The following DMD variants were observed in gnomAD, a reference collection of about 807,000 sequenced individuals.
DMD encodes the protein dystrophin, also known as mutant dystrophin.
In DMD, 63 loss-of-function variants were observed where a neutral mutation model predicts 330.1. The ratio of observed to expected loss-of-function variants is 0.19; its 90% confidence interval spans 0.16 to 0.24. The LOEUF (loss-of-function observed/expected upper bound fraction) is 0.24. DMD is among the 10% of genes least tolerant of loss of function. The pLI, the probability that DMD is intolerant of heterozygous loss-of-function variation, is 1.00. For synonymous variants in DMD, 1,223 were observed against 959.8 expected, an observed-to-expected ratio of 1.27 and a Z score of -5.07; for missense variants, 3,344 against 2,684.1, an observed-to-expected ratio of 1.25 and a Z score of -5.43.
chrX:32,719,987 T>C (rs111516575), intron 7 of DMD, among the ~76,000 whole-genome samples: 7,047 of 106,094 alleles, frequency 0.066, 651 homozygotes, highest in African/African-American at 0.24. Flanking sequence ...TATATATATA[T>C]ACACACACAC....
chrX:33,010,773 T>G (rs1310320730), intron 2 of DMD, among the ~76,000 whole-genome samples: 2 of 110,641 alleles, frequency 1.8e-5, no homozygotes, highest in African/African-American at 6.6e-5. Flanking sequence ...TTCAATAAAT[T>G]CCTCAGTGGG....
At chrX:32,511,644 G>T (rs149710043) in intron 18 of DMD, among the ~76,000 whole-genome samples, 1,908 of 108,785 alleles carry the variant, frequency 0.018, 36 homozygotes, top group African/African-American at 0.06. Context: ...AAATTGCCAT[G>T]TTCATAAAAA....
At chrX:32,593,326 T>A (rs1057342306) in intron 13 of DMD, among the ~76,000 whole-genome samples, 38 of 112,347 alleles carry the variant, frequency 3.4e-4, no homozygotes, top group African/African-American at 1.1e-3. Flanking sequence ...TAAGTCAGAG[T>A]AATTTCCTGT....
chrX:31,266,662 G>T (rs986199336), intron 62 of DMD: 4 of 588,715 alleles, frequency 6.8e-6, no homozygotes, highest in Non-Finnish European at 1.1e-5. Context: ...GAACCCGCGG[G>T]AGAGGTTCCT....
At chrX:32,644,665 G>A (rs2059673753) in intron 10 of DMD, among the ~76,000 whole-genome samples, 2 of 110,584 alleles carry the variant, frequency 1.8e-5, no homozygotes, top group Middle Eastern at 9.4e-3. Context: ...GTCTCCCACT[G>A]AGAGAAGTTA....
intron 1 of DMD, among the ~76,000 whole-genome samples, chrX:33,048,410 C>T (rs1209608734): frequency 1.8e-5 from 2 of 110,888 alleles, no homozygotes; most frequent in Non-Finnish European, 3.8e-5. Context: ...AAAAATTCGA[C>T]TGGGAGCGGT....
intron 64 of DMD, among the ~76,000 whole-genome samples, chrX:31,220,258 C>T (rs149108942): frequency 0.041 from 4,560 of 111,403 alleles, 77 homozygotes; most frequent in Middle Eastern, 0.06. Context: ...TAGCTACCAC[C>T]CCACTCTTCT....
intron 6 of DMD, among the ~76,000 whole-genome samples, chrX:32,810,618 G>A (rs1163082200): frequency 8.9e-6 from 1 of 111,846 alleles, no homozygotes; most frequent in Non-Finnish European, 1.9e-5. Context: ...GACTGCTTCT[G>A]ACTATCCTCA....
At chrX:32,907,485 G>C (rs1457605816) in intron 2 of DMD, among the ~76,000 whole-genome samples, 1 of 111,714 alleles carries the variant, frequency 9.0e-6, no homozygotes, top group Non-Finnish European at 1.9e-5. Flanking sequence ...GAGGAAATAA[G>C]AAATTCAAGC....
Position 32,015,654 on chromosome X carries a change from T to C in DMD, c.6439-47140A>G, listed in dbSNP as rs1018090729. 2.7e-5 allele frequency among the ~76,000 whole-genome samples: 3 copies of C among 111,859 alleles called. No homozygotes were observed. The East Asian group carries it at 8.4e-4, about 31-fold the overall frequency. On this transcript the variant is annotated intron_variant, in intron 44 of 78. Transcript: ENST00000357033. ...AATAATCTACTGGCTTTCAAGACAT[T>C]TTCACCACTAAACACCTTATCATAG... is the stretch of plus-strand genomic sequence containing the variant.
chrX:31,371,380 C>A (rs2059562790), intron 60 of DMD, among the ~76,000 whole-genome samples: 1 of 111,160 alleles, frequency 9.0e-6, no homozygotes, highest in African/African-American at 3.3e-5. Flanking sequence ...AAGCAATATA[C>A]CAATAGTTTT....
Position 32,454,347 on chromosome X carries a change from A to G in DMD, c.3603+315T>C, listed in dbSNP as rs1397164178. On this transcript the variant is annotated intron_variant, in intron 26 of 78. Transcript: ENST00000357033. ...ATACTTTTGCACAGTTTCAACGTAC[A>G]TTTACATCAGCTACAGACAGTTAAT... Among the ~76,000 whole-genome samples, 6 of 111,237 alleles carry G rather than the reference A, an allele frequency of 5.4e-5. No individual in the cohort carries two copies. In the Admixed American group the frequency reaches 5.7e-4, roughly 11 times the overall value.
At chrX:33,101,368 C>T (rs1185982496) in intron 1 of DMD, among the ~76,000 whole-genome samples, 1 of 112,202 alleles carries the variant, frequency 8.9e-6, no homozygotes, top group Non-Finnish European at 1.9e-5. Flanking sequence ...TGGCTCACGC[C>T]CATAATCTCA....
At chrX:32,429,039 G>A (rs890140806) in intron 29 of DMD, among the ~76,000 whole-genome samples, 10 of 110,341 alleles carry the variant, frequency 9.1e-5, no homozygotes, top group Admixed American at 4.9e-4. Context: ...AATCCTTTTC[G>A]GAAAATCTGT....
At chrX:33,285,075 G>C (rs1377783810) in intron 1 of DMD, among the ~76,000 whole-genome samples, 5 of 111,227 alleles carry the variant, frequency 4.5e-5, no homozygotes, top group Non-Finnish European at 9.4e-5. Flanking sequence ...CAGGAGAGTT[G>C]GTTAAGCTAT....
At chrX:31,272,060 C>T (rs1003756307) in intron 62 of DMD, among the ~76,000 whole-genome samples, 2 of 111,205 alleles carry the variant, frequency 1.8e-5, no homozygotes, top group Admixed American at 1.9e-4. Context: ...CAGAGTAAGC[C>T]AGACTCAGGA....
intron 1 of DMD, among the ~76,000 whole-genome samples, chrX:33,313,786 G>A (rs183398718): frequency 2.3e-3 from 259 of 111,293 alleles, no homozygotes; most frequent in Middle Eastern, 0.019. Flanking sequence ...TTTGAAATAG[G>A]TATGAAATCA....
intron 13 of DMD, among the ~76,000 whole-genome samples, chrX:32,593,906 A>G (rs2055220740): frequency 8.9e-6 from 1 of 112,529 alleles, no homozygotes; most frequent in African/African-American, 3.2e-5. Context: ...CAAGACTCTA[A>G]TCTGCAGTAA....
At chrX:31,255,769 CTTTT>C (rs146884145) in intron 63 of DMD, among the ~76,000 whole-genome samples, 10 of 50,818 alleles carry the variant, frequency 2.0e-4, no homozygotes, top group African/African-American at 7.1e-4. Context: ...AATATCGTTA[CTTTT>C]TTTTTTTTTT....
Sources: allele counts gnomAD v4.1 joint callset (sites outside exome capture counted in the v4.1 genomes callset), GRCh38; gene constraint gnomAD v4.1.1; transcripts MANE v1.5; gene names NCBI Gene and HGNC (gene_info 2026-07-23, HGNC 2026-07-21).